The following CDC14A variants were observed in gnomAD, a reference collection of about 807,000 sequenced individuals.
CDC14A encodes dual specificity protein phosphatase CDC14A.
Under a neutral mutation model 74.4 loss-of-function variants are expected in CDC14A, and 53 were observed. That is an observed-to-expected ratio of 0.71 (90% CI 0.57 to 0.89). CDC14A has a LOEUF of 0.89. Ranked by LOEUF, CDC14A falls within the 40% of genes least tolerant of loss-of-function variation. The pLI is 0.00. For synonymous variants in CDC14A, 247 were observed against 258.4 expected (o/e 0.96, Z 0.43); for missense variants, 646 against 713.7 (o/e 0.91, Z 1.08).
chr1:100,349,711 A>G (rs999448448), upstream of CDC14A, among the ~76,000 whole-genome samples: 1 of 152,154 alleles, frequency 6.6e-6, no homozygotes, highest in African/African-American at 2.4e-5. Context: ...GCTGGAGTGC[A>G]GTGGCATAAT....
chr1:100,491,544 C>CTATATATATATA (rs1557821650), intron 11 of CDC14A, among the ~76,000 whole-genome samples: 1 of 41,326 alleles, frequency 2.4e-5, no homozygotes, highest in Non-Finnish European at 5.6e-5. Flanking sequence ...CTCTCTCTCT[C>CTATATATATATA]TCTCTATATA....
chr1:100,382,108 A>G (rs927817994), intron 3 of CDC14A, among the ~76,000 whole-genome samples: 3 of 151,956 alleles, frequency 2.0e-5, no homozygotes, highest in Non-Finnish European at 2.9e-5. Context: ...TCCTTGACAC[A>G]GACATGCTAA....
intron 4 of CDC14A, chr1:100,393,962 AATAT>A: frequency 9.2e-6 from 2 of 217,502 alleles, no homozygotes; most frequent in Non-Finnish European, 9.0e-6. Flanking sequence ...CGCAAAAAAA[AATAT>A]ATATATATAT....
chr1:100,392,878 T>C (rs952943734), intron 4 of CDC14A, among the ~76,000 whole-genome samples: 2 of 152,220 alleles, frequency 1.3e-5, no homozygotes, highest in African/African-American at 2.4e-5. Flanking sequence ...TGTTGAGATA[T>C]ACAAATAGAA....
intron 14 of CDC14A, among the ~76,000 whole-genome samples, 193 bp from the exon 15 acceptor site, chr1:100,498,736 T>C (rs1241704935): frequency 6.6e-6 from 1 of 152,238 alleles, no homozygotes; most frequent in Non-Finnish European, 1.5e-5. Flanking sequence ...CAACTTGATA[T>C]GTATAACTCA....
At chr1:100,348,020 A>G (rs1339215462), upstream of CDC14A, among the ~76,000 whole-genome samples, 1 of 152,176 alleles carries the variant, frequency 6.6e-6, no homozygotes, top group African/African-American at 2.4e-5. Context: ...GCAGTGGTTC[A>G]TGCCTGTAAT....
At chr1:100,390,612 A>G in intron 3 of CDC14A, 120 bp from the exon 4 acceptor site, 3 of 636,550 alleles carry the variant, frequency 4.7e-6, no homozygotes, top group Non-Finnish European at 8.2e-6. Context: ...ATTAAAGTTG[A>G]AAGTTGTTAA....
At chr1:100,439,873 T>C in intron 5 of CDC14A, 59 bp from the exon 6 acceptor site, 1 of 1,253,092 alleles carries the variant, frequency 8.0e-7, no homozygotes, top group Non-Finnish European at 1.2e-6. Flanking sequence ...GGTGTTATAT[T>C]TTATTATTTG....
chr1:100,369,459 T>C (rs1299374941), intron 2 of CDC14A, among the ~76,000 whole-genome samples: 1 of 152,152 alleles, frequency 6.6e-6, no homozygotes, highest in Non-Finnish European at 1.5e-5. Flanking sequence ...CTCATTATGG[T>C]TTTGATTGGT....
chr1:100,433,321 A>G (rs111828789), intron 5 of CDC14A, among the ~76,000 whole-genome samples: 20 of 152,342 alleles, frequency 1.3e-4, no homozygotes, highest in African/African-American at 4.3e-4. Context: ...CCAACACTGT[A>G]CTATACTCTG....
chr1:100,372,511 C>T (rs1391773370), intron 2 of CDC14A, among the ~76,000 whole-genome samples: 1 of 152,154 alleles, frequency 6.6e-6, no homozygotes, highest in East Asian at 1.9e-4. Context: ...GGAGTAAATT[C>T]CATCTGAAGA....
intron 5 of CDC14A, among the ~76,000 whole-genome samples, chr1:100,435,823 TAAAAAAAAAAAAA>T (rs10545372): frequency 2.0e-5 from 2 of 97,958 alleles, no homozygotes; most frequent in African/African-American, 4.3e-5. Context: ...AGACTTCGTC[TAAAAAAAAAAAAA>T]AAAAAAAAAA....
rs1649392111 is a variant in CDC14A at position 100,508,035 on chromosome 1, T to G, written c.1755+8773T>G. Among the ~76,000 whole-genome samples the G allele has an allele frequency of 6.6e-6, 1 of 152,182 alleles. No individual in the cohort carries two copies. Among genetic ancestry groups the G allele is most frequent in the Admixed American group, 6.5e-5 (1 of 15,274 alleles). ...CAATCTGTCCTCAATATATCTTACC[T>G]TCTGTTTTATATTTTTCAGTTCCTA... On this transcript the variant is annotated intron_variant, in intron 15 of 15. Coordinates refer to ENST00000336454, the MANE Select transcript of CDC14A (RefSeq NM_003672.4). The surrounding 1 kb of genome is among the most constrained non-coding windows in gnomAD (Gnocchi z 4.4).
intron 2 of CDC14A, among the ~76,000 whole-genome samples, chr1:100,361,654 G>T (rs1425502280): frequency 6.6e-6 from 1 of 152,206 alleles, no homozygotes; most frequent in Non-Finnish European, 1.5e-5. Flanking sequence ...AAAGGCACAA[G>T]AGGTGTTTGG....
intron 11 of CDC14A, among the ~76,000 whole-genome samples, chr1:100,486,368 T>G (rs1173546790): frequency 6.6e-6 from 1 of 152,230 alleles, no homozygotes; most frequent in Non-Finnish European, 1.5e-5. Flanking sequence ...GCAATATGAT[T>G]GGAATTTTAA....
intron 9 of CDC14A, among the ~76,000 whole-genome samples, chr1:100,464,632 CTTAT>C (rs1667620641): frequency 1.3e-5 from 2 of 152,122 alleles, no homozygotes; most frequent in South Asian, 4.2e-4. Context: ...TTAATTTGGC[CTTAT>C]TTCTTAGTTC....
chr1:100,421,661 A>G (rs1191996199), intron 4 of CDC14A, among the ~76,000 whole-genome samples: 2 of 152,120 alleles, frequency 1.3e-5, no homozygotes, highest in African/African-American at 4.8e-5. Flanking sequence ...TTTTTTCCAG[A>G]CCTATGCTAC....
At chr1:100,431,139 TA>T (rs1375885448) in intron 5 of CDC14A, among the ~76,000 whole-genome samples, 2 of 152,182 alleles carry the variant, frequency 1.3e-5, no homozygotes, top group Non-Finnish European at 2.9e-5. Context: ...AAGTGCTAAG[TA>T]AGCTCCGCTA....
intron 15 of CDC14A, among the ~76,000 whole-genome samples, chr1:100,500,643 G>A (rs1648592827): frequency 6.8e-6 from 1 of 146,888 alleles, no homozygotes; most frequent in Non-Finnish European, 1.5e-5. Context: ...TGTAATCCCA[G>A]CTACCATAAG....
Sources: gnomAD v4.1 joint callset for allele counts (sites outside exome capture counted in the v4.1 genomes callset) on GRCh38, gnomAD v4.1.1 for gene constraint, Gnocchi (gnomAD v3.1) non-coding constraint, MANE v1.5 for transcripts, NCBI Gene and HGNC (gene_info 2026-07-23, HGNC 2026-07-21) for gene names.